THSD7B: variants seen among roughly 807,000 people sequenced by gnomAD.
THSD7B encodes thrombospondin type 1 domain containing 7B.
In THSD7B, 138 loss-of-function variants were observed where a neutral mutation model predicts 213.6. The observed-to-expected ratio is 0.65, with a 90% CI of 0.56 to 0.74. The LOEUF (loss-of-function observed/expected upper bound fraction) is 0.74. Among genes scored for constraint, THSD7B ranks in the 30% least tolerant of loss-of-function variants. THSD7B has a pLI of 0.00. For missense variants in THSD7B, 1,931 were observed against 1,991.5 expected, an observed-to-expected ratio of 0.97 and a Z score of 0.58; for synonymous variants, 742 against 687.0, an observed-to-expected ratio of 1.08 and a Z score of -1.25.
At chr2:137,403,195 A>T (rs756837474) in intron 12 of THSD7B, among the ~76,000 whole-genome samples, 1 of 152,230 alleles carries the variant, frequency 6.6e-6, no homozygotes, top group Admixed American at 6.5e-5. Flanking sequence ...CAAACTGGAA[A>T]GTATTGTGTG....
At chr2:137,593,259 G>C (rs1681899164) in intron 17 of THSD7B, among the ~76,000 whole-genome samples, 2 of 151,864 alleles carry the variant, frequency 1.3e-5, no homozygotes, top group African/African-American at 4.8e-5. Flanking sequence ...GTGAATATCT[G>C]CACCCATTTC....
At position 137,275,980 on chromosome 2, in the gene THSD7B, A is replaced by G. The variant is rs376515139; in HGVS notation, c.2454A>G (p.Gly818=). The G allele has an allele frequency of 6.2e-6, 10 of 1,612,264 alleles. No individual in the cohort carries two copies. Among genetic ancestry groups the G allele is most frequent in the Non-Finnish European group, 8.5e-6 (10 of 1,178,968 alleles). ...CILVPESVWQ[G]ITGSSEACGK... Reference sequence around the variant, plus strand: ...TAGTGCCAGAGTCTGTCTGGCAGGGAATAACGGGCAGCAGTGAAGCCTGTG... The same window carrying G: ...TAGTGCCAGAGTCTGTCTGGCAGGGGATAACGGGCAGCAGTGAAGCCTGTG... Residue 818 remains glycine, a synonymous_variant, in exon 12 of 28, where the codon GGA becomes GGG. Coordinates refer to ENST00000409968, the MANE Select transcript of THSD7B (RefSeq NM_001316349.2).
At chr2:137,393,564 T>G (rs1686097648) in intron 12 of THSD7B, among the ~76,000 whole-genome samples, 1 of 148,716 alleles carries the variant, frequency 6.7e-6, no homozygotes, top group Admixed American at 6.7e-5. Flanking sequence ...CTATCATTGT[T>G]GGACATTTGG....
At chr2:137,140,322 G>T (rs931983097) in intron 5 of THSD7B, among the ~76,000 whole-genome samples, 3 of 152,100 alleles carry the variant, frequency 2.0e-5, no homozygotes, top group Admixed American at 6.6e-5. Flanking sequence ...TCTTTAGAAA[G>T]ACATTTAGCA....
intron 12 of THSD7B, among the ~76,000 whole-genome samples, chr2:137,395,427 G>A (rs1263899285): frequency 6.7e-6 from 1 of 149,784 alleles, no homozygotes; most frequent in Admixed American, 6.6e-5. Flanking sequence ...TAATCATGTG[G>A]TTTTTGTCTT....
intron 12 of THSD7B, among the ~76,000 whole-genome samples, chr2:137,307,047 C>G (rs1683767209): frequency 6.6e-6 from 1 of 152,068 alleles, no homozygotes. Flanking sequence ...CCACATTTAT[C>G]TAGGGATTTG....
intron 1 of THSD7B, among the ~76,000 whole-genome samples, chr2:136,826,577 C>G (rs1682649749): frequency 6.6e-6 from 1 of 152,184 alleles, no homozygotes; most frequent in Non-Finnish European, 1.5e-5. Flanking sequence ...ATTGTCCCAT[C>G]TCTCCTCCTC....
At chr2:137,191,262 C>T (rs189175838) in intron 7 of THSD7B, among the ~76,000 whole-genome samples, 5 of 152,282 alleles carry the variant, frequency 3.3e-5, no homozygotes, top group Admixed American at 6.5e-5. Flanking sequence ...ATTCCCTTCT[C>T]GACTTTATTC....
At chr2:137,642,284 C>A in intron 20 of THSD7B, 1 of 526,344 alleles carries the variant, frequency 1.9e-6, no homozygotes, top group South Asian at 3.2e-5. Context: ...GACAGAATTT[C>A]AGATCCTTTA....
intron 26 of THSD7B, among the ~76,000 whole-genome samples, chr2:137,666,170 C>T (rs1053926169): frequency 6.6e-6 from 1 of 151,936 alleles, no homozygotes; most frequent in East Asian, 1.9e-4. Flanking sequence ...GGTTTTGTAC[C>T]ACCACATACC....
At chr2:137,060,624 T>A (rs970676486) in intron 3 of THSD7B, among the ~76,000 whole-genome samples, 2 of 152,044 alleles carry the variant, frequency 1.3e-5, no homozygotes, top group Non-Finnish European at 2.9e-5. Flanking sequence ...AGAATATCTT[T>A]TCTCTATTGA....
chr2:137,163,899 T>G (rs1680066925), intron 6 of THSD7B, among the ~76,000 whole-genome samples: 1 of 152,230 alleles, frequency 6.6e-6, no homozygotes, highest in Non-Finnish European at 1.5e-5. Flanking sequence ...TCTGGTTTCC[T>G]GTCTCTTTAG....
intron 2 of THSD7B, among the ~76,000 whole-genome samples, chr2:136,942,687 C>T (rs1406073340): frequency 5.3e-5 from 8 of 152,032 alleles, no homozygotes; most frequent in African/African-American, 1.4e-4. Flanking sequence ...TTGTGATTTT[C>T]GCACATTGAT....
chr2:137,609,958 A>T (rs942309408), intron 17 of THSD7B, among the ~76,000 whole-genome samples: 1 of 152,134 alleles, frequency 6.6e-6, no homozygotes, highest in Non-Finnish European at 1.5e-5. Flanking sequence ...AGGTGTAAGA[A>T]AAATAAGGGA....
At chr2:137,520,545 T>G (rs1680165949) in intron 15 of THSD7B, among the ~76,000 whole-genome samples, 1 of 152,206 alleles carries the variant, frequency 6.6e-6, no homozygotes, top group Admixed American at 6.5e-5. Context: ...TTAAAAGCAC[T>G]AAATTTATAA....
At chr2:137,063,258 T>C (rs1246580631) in intron 3 of THSD7B, among the ~76,000 whole-genome samples, 1 of 152,034 alleles carries the variant, frequency 6.6e-6, no homozygotes, top group Non-Finnish European at 1.5e-5. Flanking sequence ...TTAATTAGTG[T>C]ATTTAGATCA....
At chr2:137,581,771 TAA>T (rs1167680028) in intron 17 of THSD7B, among the ~76,000 whole-genome samples, 101 of 126,666 alleles carry the variant, frequency 8.0e-4, no homozygotes, top group Middle Eastern at 4.0e-3. Context: ...AAAAAAAAAA[TAA>T]AAAAAAAAAA....
chr2:136,844,202 G>A (rs1485037992), intron 1 of THSD7B, among the ~76,000 whole-genome samples: 1 of 152,114 alleles, frequency 6.6e-6, no homozygotes, highest in Non-Finnish European at 1.5e-5. Flanking sequence ...ATTTAACACA[G>A]GGGTTAACGT....
intron 2 of THSD7B, among the ~76,000 whole-genome samples, chr2:137,039,298 A>G (rs1181293428): frequency 6.6e-6 from 1 of 152,096 alleles, no homozygotes; most frequent in Non-Finnish European, 1.5e-5. Flanking sequence ...ATTTCCAGGG[A>G]TTTTTGATAG....
Sources: allele counts gnomAD v4.1 joint callset (sites outside exome capture counted in the v4.1 genomes callset), GRCh38; gene constraint gnomAD v4.1.1; transcripts MANE v1.5; gene names NCBI Gene and HGNC (gene_info 2026-07-23, HGNC 2026-07-21).